The following TFEC variants were observed in gnomAD, a reference collection of about 807,000 sequenced individuals.
TFEC encodes the protein class E basic helix-loop-helix protein 34.
A neutral mutation model predicts 41.6 loss-of-function variants in TFEC; 31 were observed. That is an observed-to-expected ratio of 0.74 (90% confidence interval 0.56 to 1.01). TFEC has a LOEUF of 1.01. TFEC is among the 50% of genes least tolerant of loss of function. TFEC has a pLI of 0.00. For missense variants in TFEC, 402 were observed against 404.1 expected (o/e 0.99, Z 0.04); for synonymous variants, 143 against 140.6 (o/e 1.02, Z -0.12).
chr7:115,993,068 A>G (rs978066836), intron 1 of TFEC, among the ~76,000 whole-genome samples: 2 of 152,156 alleles, frequency 1.3e-5, no homozygotes, highest in African/African-American at 4.8e-5. Flanking sequence ...AAATCAATAA[A>G]CGTAATTCAT....
chr7:116,118,860 A>G (rs572531782), intron 1 of TFEC, among the ~76,000 whole-genome samples: 5 of 151,974 alleles, frequency 3.3e-5, no homozygotes, highest in Admixed American at 3.3e-4. Flanking sequence ...ACAAATAGCT[A>G]TGTTTCTGGG....
chr7:116,080,888 C>T (rs542038952), intron 3 of TFEC, among the ~76,000 whole-genome samples: 3 of 151,974 alleles, frequency 2.0e-5, no homozygotes, highest in Admixed American at 6.6e-5. Flanking sequence ...TACTTGCACA[C>T]GCATGTTTAT....
At chr7:116,059,341 T>C (rs1001030606) in intron 3 of TFEC, among the ~76,000 whole-genome samples, 2 of 151,884 alleles carry the variant, frequency 1.3e-5, no homozygotes, top group African/African-American at 4.8e-5. Flanking sequence ...GTTAAATAAA[T>C]AGAATATGAA....
Position 116,030,667 on chromosome 7 carries a change from C to T in TFEC, c.-107G>A. On this transcript the variant is annotated 5_prime_UTR_variant, in exon 1 of 8. An upstream open reading frame in the 5' UTR loses its in-frame stop. Coordinates refer to ENST00000265440, the MANE Select transcript of TFEC (RefSeq NM_012252.4). ...GTGGATTTTATCAGTGTTGTCATCT[C>T]TACAAACAGCACCAAATTATAATCC... 1 of 985,384 alleles carries T rather than the reference C, an allele frequency of 1.0e-6. No homozygotes were observed. Among genetic ancestry groups the T allele is most frequent in the Non-Finnish European group, 1.2e-6 (1 of 829,936 alleles). 61.0% of individuals were successfully genotyped at this position (985,384 alleles called of 1,614,324 possible).
intron 3 of TFEC, among the ~76,000 whole-genome samples, chr7:116,045,605 T>G: frequency 6.6e-6 from 1 of 152,230 alleles, no homozygotes; most frequent in East Asian, 1.9e-4. Context: ...GGCAAAAGTT[T>G]GCTGCAGGGG....
chr7:115,949,651 A>G (rs990865760), intron 6 of TFEC, among the ~76,000 whole-genome samples: 1 of 151,998 alleles, frequency 6.6e-6, no homozygotes, highest in South Asian at 2.1e-4. Flanking sequence ...AGCCATATGG[A>G]GAAAGCTGAA....
chr7:116,058,577 A>G (rs1796481683), intron 3 of TFEC, among the ~76,000 whole-genome samples: 2 of 151,708 alleles, frequency 1.3e-5, no homozygotes, highest in African/African-American at 4.8e-5. Flanking sequence ...TCACCCAACA[A>G]CAACAAATAT....
chr7:116,000,249 G>A (rs1191767267), intron 1 of TFEC, among the ~76,000 whole-genome samples: 1 of 151,916 alleles, frequency 6.6e-6, no homozygotes, highest in Admixed American at 6.6e-5. Context: ...AAAAGCATTT[G>A]ATAATATTGA....
intron 1 of TFEC, among the ~76,000 whole-genome samples, chr7:115,996,699 C>A (rs2130752091): frequency 6.6e-6 from 1 of 152,064 alleles, no homozygotes; most frequent in East Asian, 1.9e-4. Context: ...GAGGGAAGCC[C>A]ACTGCACTAA....
chr7:116,138,914 C>T (rs904747397), intron 1 of TFEC, among the ~76,000 whole-genome samples: 3 of 152,152 alleles, frequency 2.0e-5, no homozygotes, highest in Non-Finnish European at 4.4e-5. Flanking sequence ...ACAAAGGCTA[C>T]GAGACTGAAA....
chr7:115,969,273 A>C (rs1377548806), intron 3 of TFEC, among the ~76,000 whole-genome samples: 1 of 151,872 alleles, frequency 6.6e-6, no homozygotes, highest in Non-Finnish European at 1.5e-5. Flanking sequence ...AGGGGTTTGC[A>C]TTCTACAGGG....
intron 6 of TFEC, among the ~76,000 whole-genome samples, chr7:115,943,265 G>A (rs1208010687): frequency 6.6e-6 from 1 of 151,876 alleles, no homozygotes; most frequent in African/African-American, 2.4e-5. Context: ...TGGGAAGGGT[G>A]GGGAGAGACA....
chr7:116,024,889 T>A (rs1347046372), intron 1 of TFEC, among the ~76,000 whole-genome samples: 1 of 152,154 alleles, frequency 6.6e-6, no homozygotes, highest in Non-Finnish European at 1.5e-5. Context: ...TTCCAGAATA[T>A]CTTTGCTTGC....
chr7:115,991,531 A>G (rs575009245), intron 1 of TFEC, among the ~76,000 whole-genome samples: 124 of 152,330 alleles, frequency 8.1e-4, no homozygotes, highest in Non-Finnish European at 8.8e-5. Flanking sequence ...ATGGAGGAAG[A>G]TCTACCAAGC....
At chr7:116,079,415 G>A (rs988145561) in intron 3 of TFEC, among the ~76,000 whole-genome samples, 1 of 151,970 alleles carries the variant, frequency 6.6e-6, no homozygotes, top group South Asian at 2.1e-4. Flanking sequence ...TGGTAAGATC[G>A]TATACCTAGA....
chr7:116,156,352 T>C (rs1044201095), intron 1 of TFEC, among the ~76,000 whole-genome samples: 2 of 152,216 alleles, frequency 1.3e-5, no homozygotes, highest in Admixed American at 6.5e-5. Context: ...ATATATATCA[T>C]GGGTGTCAAA....
chr7:116,000,940 G>GA (rs35990082), intron 1 of TFEC, among the ~76,000 whole-genome samples: 1,840 of 132,596 alleles, frequency 0.014, 13 homozygotes, highest in Non-Finnish European at 0.019. Flanking sequence ...CACAGAAATA[G>GA]AAAAAAAAAA....
At chr7:116,067,281 C>T (rs1308362963) in intron 3 of TFEC, among the ~76,000 whole-genome samples, 3 of 151,940 alleles carry the variant, frequency 2.0e-5, no homozygotes, top group Admixed American at 6.6e-5. Flanking sequence ...TATTCATAGA[C>T]GTTTCCATGT....
chr7:116,153,628 T>C (rs887918900), intron 1 of TFEC, among the ~76,000 whole-genome samples: 4 of 152,126 alleles, frequency 2.6e-5, no homozygotes, highest in Non-Finnish European at 5.9e-5. Flanking sequence ...ATCATTCACT[T>C]TACCAGTAGT....
Sources: allele counts gnomAD v4.1 joint callset (sites outside exome capture counted in the v4.1 genomes callset), GRCh38; gene constraint gnomAD v4.1.1; transcripts MANE v1.5; gene names NCBI Gene and HGNC (gene_info 2026-07-23, HGNC 2026-07-21).